COBLL1: variants seen among roughly 807,000 people sequenced by gnomAD.
The protein encoded by COBLL1 is cordon-bleu protein-like 1.
In COBLL1, 50 loss-of-function variants were observed where a neutral mutation model predicts 94.8. The observed-to-expected ratio is 0.53, with a 90% CI of 0.42 to 0.67. COBLL1 has a LOEUF of 0.67. Among genes scored for constraint, COBLL1 ranks in the 30% least tolerant of loss-of-function variants. COBLL1 has a pLI of 0.00. For synonymous variants in COBLL1, 448 were observed against 473.8 expected, an observed-to-expected ratio of 0.95 and a Z score of 0.71; for missense variants, 1,362 against 1,348.7, an observed-to-expected ratio of 1.01 and a Z score of -0.15.
intron 2 of COBLL1, chr2:164,779,846 G>A (rs555350849): frequency 2.2e-4 from 95 of 429,388 alleles, no homozygotes; most frequent in African/African-American, 1.9e-3. Flanking sequence ...GAACATTAAA[G>A]GGAGGGTAGG....
At chr2:164,772,392 TA>T (rs1688253696) in intron 2 of COBLL1, among the ~76,000 whole-genome samples, 1 of 151,988 alleles carries the variant, frequency 6.6e-6, no homozygotes, top group African/African-American at 2.4e-5. Flanking sequence ...AGCCCTTGTT[TA>T]AAAAATATAC....
intron 13 of COBLL1, among the ~76,000 whole-genome samples, chr2:164,688,170 G>A (rs1017365514): frequency 7.2e-5 from 11 of 152,164 alleles, no homozygotes; most frequent in Admixed American, 4.6e-4. Context: ...TACTACAGAA[G>A]TGGGCTAGAA....
At chr2:164,715,952 C>T (rs1352183320) in intron 7 of COBLL1, among the ~76,000 whole-genome samples, 1 of 152,074 alleles carries the variant, frequency 6.6e-6, no homozygotes, top group Non-Finnish European at 1.5e-5. Flanking sequence ...CCAAATGTGC[C>T]AAATGAAAAA....
chr2:164,665,204 G>A (rs555426224), intron 2 of COBLL1, among the ~76,000 whole-genome samples: 39 of 151,898 alleles, frequency 2.6e-4, no homozygotes, highest in African/African-American at 6.5e-4. Context: ...GGTGGCGGGC[G>A]CCTGTAATTC....
chr2:164,838,655 T>C (rs1428042192), intron 2 of COBLL1, among the ~76,000 whole-genome samples: 2 of 152,194 alleles, frequency 1.3e-5, no homozygotes, highest in African/African-American at 4.8e-5. Context: ...CAGATTCTCA[T>C]TTATAAAATG....
At chr2:164,775,887 C>T (rs1002292924) in intron 2 of COBLL1, among the ~76,000 whole-genome samples, 2 of 152,088 alleles carry the variant, frequency 1.3e-5, no homozygotes. Flanking sequence ...CTCTTGGCTG[C>T]CCATTTGTCA....
chr2:164,772,925 C>T (rs1481947675), intron 2 of COBLL1, among the ~76,000 whole-genome samples: 2 of 152,062 alleles, frequency 1.3e-5, no homozygotes, highest in Non-Finnish European at 1.5e-5. Context: ...TAATCGTGTA[C>T]CAGCCAACTT....
intron 1 of COBLL1, among the ~76,000 whole-genome samples, chr2:164,674,705 T>C (rs1346905396): frequency 6.6e-6 from 1 of 152,074 alleles, no homozygotes; most frequent in Admixed American, 6.6e-5. Context: ...ATGGGAAAAA[T>C]TGGGTAAACA....
chr2:164,784,951 G>A (rs1460073730), intron 2 of COBLL1, among the ~76,000 whole-genome samples: 2 of 152,066 alleles, frequency 1.3e-5, no homozygotes, highest in Non-Finnish European at 2.9e-5. Flanking sequence ...CCTAATGAGA[G>A]ATGTTTAGGT....
chr2:164,701,486 G>A (rs2105446643), intron 9 of COBLL1, among the ~76,000 whole-genome samples: 1 of 152,298 alleles, frequency 6.6e-6, no homozygotes. Context: ...CTGAGAAAGT[G>A]TAATATACAT....
intron 2 of COBLL1, among the ~76,000 whole-genome samples, chr2:164,836,737 T>C (rs550270306): frequency 1.7e-4 from 26 of 152,344 alleles, no homozygotes; most frequent in African/African-American, 5.5e-4. Context: ...AAATGATTAG[T>C]AACAGCCTCT....
chr2:164,740,623 G>GCCTA (rs1410961659), intron 3 of COBLL1, among the ~76,000 whole-genome samples: 1 of 152,184 alleles, frequency 6.6e-6, no homozygotes, highest in East Asian at 1.9e-4. Flanking sequence ...TTCATGAAAT[G>GCCTA]CCTACCACAT....
At chr2:164,724,301 C>T (rs1685610448) in intron 5 of COBLL1, 1 of 152,146 alleles carries the variant, frequency 6.6e-6, no homozygotes, top group Non-Finnish European at 1.5e-5. Flanking sequence ...TACACAGCAA[C>T]ACTTGTGAAG....
At chr2:164,707,616 T>G (rs1023953067) in intron 7 of COBLL1, among the ~76,000 whole-genome samples, 3 of 152,172 alleles carry the variant, frequency 2.0e-5, no homozygotes, top group Admixed American at 6.5e-5. Flanking sequence ...GAGATTTTTT[T>G]CCCCTACTAT....
rs568002476 is a variant in COBLL1, at chr2:164,700,456, A to C, written c.1460+66T>G. 5.2e-6 allele frequency: 5 copies of C among 955,364 alleles called. No individual in the cohort carries two copies. In the Admixed American group the frequency reaches 7.0e-5, roughly 13 times the overall value. The allele number at this position is 955,364 out of a possible 1,614,324, so 59.2% of individuals were successfully genotyped here. ...TATTTATGTTTAAAATATCAGATCT[A>C]TATTTCAGAAGACTAGTATTAATTA... On this transcript the variant is annotated intron_variant, in intron 10 of 13. Transcript: ENST00000652658.
intron 2 of COBLL1, among the ~76,000 whole-genome samples, chr2:164,829,984 G>GA (rs968386877): frequency 6.6e-6 from 1 of 151,992 alleles, no homozygotes; most frequent in East Asian, 1.9e-4. Flanking sequence ...TCCACATTCT[G>GA]AAAAAAAGAG....
chr2:164,831,945 C>A (rs1378504352), intron 2 of COBLL1, among the ~76,000 whole-genome samples: 3 of 152,182 alleles, frequency 2.0e-5, no homozygotes, highest in Admixed American at 2.0e-4. Context: ...GGCCTAGAAA[C>A]TGTGGCACAG....
rs778827708 is a variant in COBLL1, at chr2:164,695,225, G to A, written c.2167C>T (p.Arg723Ter). ...PKPKPSNEITREYIPKIGMTT... is the reference protein window; with the variant it reads ...PKPKPSNEIT ...ATGCCAATTTTGGGTATATACTCTCGTGTAATTTCATTTGAAGGTTTTGGC... is the reference window on the plus strand; with the variant it reads ...ATGCCAATTTTGGGTATATACTCTCATGTAATTTCATTTGAAGGTTTTGGC... The change falls in exon 12 of 14, where the codon CGA (arginine) becomes TGA (stop). Residue 723 changes from arginine (R) to a stop codon, truncating the protein, a stop_gained. Transcript: ENST00000652658. LOFTEE classifies it high-confidence loss of function. 4.3e-6 allele frequency: 7 copies of A among 1,613,756 alleles called. No homozygotes were observed. Among genetic ancestry groups the A allele is most frequent in the Middle Eastern group, 1.6e-4 (1 of 6,082 alleles).
chr2:164,759,483 CA>C (rs548939358), intron 2 of COBLL1, among the ~76,000 whole-genome samples: 368 of 151,848 alleles, frequency 2.4e-3, no homozygotes, highest in Non-Finnish European at 4.3e-3. Context: ...TCTTTGGGAA[CA>C]AAAGTTAGGC....
Sources: gnomAD v4.1 joint callset for allele counts (sites outside exome capture counted in the v4.1 genomes callset) on GRCh38, gnomAD v4.1.1 for gene constraint, MANE v1.5 for transcripts, NCBI Gene and HGNC (gene_info 2026-07-23, HGNC 2026-07-21) for gene names.